The following SLC2A8 variants were observed in gnomAD, a reference collection of about 807,000 sequenced individuals.
SLC2A8 encodes the protein solute carrier family 2, facilitated glucose transporter member 8.
In SLC2A8, 53 loss-of-function variants were observed where a neutral mutation model predicts 49.2. The observed-to-expected ratio is 1.08, with a 90% CI of 0.86 to 1.35. The LOEUF is 1.35. Ranked by LOEUF, SLC2A8 falls within the 40% of genes most tolerant of loss-of-function variation. The pLI is 0.00. For synonymous variants in SLC2A8, 299 were observed against 297.0 expected, an observed-to-expected ratio of 1.01 and a Z score of -0.07; for missense variants, 688 against 671.7, an observed-to-expected ratio of 1.02 and a Z score of -0.27.
Position 127,403,929 on chromosome 9 carries a change from C to A in SLC2A8, c.868-30C>A, listed in dbSNP as rs771394035. ...AGGGACCCAGCTCTCAGCTGGCCCA[C>A]CTGACCTGCCTGGGCTCTGTCTCCC... On this transcript the variant is annotated intron_variant, in intron 6 of 9. Coordinates refer to ENST00000373371, the MANE Select transcript of SLC2A8 (RefSeq NM_014580.5). 7.5e-6 allele frequency: 12 copies of A among 1,606,472 alleles called. No homozygotes were observed. In the South Asian group the frequency reaches 1.3e-4, roughly 18 times the overall value.
At chr9:127,397,653 G>T in intron 2 of SLC2A8, 115 bp downstream of exon 2, 1 of 1,298,762 alleles carries the variant, frequency 7.7e-7, no homozygotes, top group Non-Finnish European at 9.9e-7. Flanking sequence ...GGGCCCCGCC[G>T]CCACCACCTT....
chr9:127,398,388 C>G (rs1833132696), intron 3 of SLC2A8: 3 of 753,132 alleles, frequency 4.0e-6, no homozygotes, highest in Non-Finnish European at 5.0e-6. Context: ...GAAGCAGTTG[C>G]AGGAACCCAG....
At position 127,399,925 on chromosome 9, in the gene SLC2A8, G is replaced by A. The variant is rs368974068; in HGVS notation, c.445G>A (p.Ala149Thr). 409 of 1,613,608 alleles carry A rather than the reference G, an allele frequency of 2.5e-4. 3 individuals carry two copies. The South Asian group carries it at 2.6e-3, about 10-fold the overall frequency. The change falls in exon 4 of 10, where the codon GCC (alanine) becomes ACC (threonine). Residue 149 changes from alanine (A) to threonine (T), a missense_variant. Physicochemically the swap from Ala to Thr is moderately conservative, Grantham distance 58 (BLOSUM62 0). Coordinates refer to ENST00000373371, the MANE Select transcript of SLC2A8 (RefSeq NM_014580.5). This position sits in a 1 kb window ranked among gnomAD's most constrained non-coding sequence, Gnocchi z 4.2. ...LVAPVYISEI[A>T]YPAVRGLLGS... ...CTGGCAGGTCTACATCTCCGAAATC[G>A]CCTACCCAGCAGTCCGGGGGTTGCT...
chr9:127,404,850 GGC>G lies in SLC2A8; in HGVS notation c.1012_1013del (p.Ala338LeufsTer27). Reference protein sequence around the residue: ...VVMVFSTSAFGAYFKLTQGGP... With the variant: ...VVMVFSTSAFXAYFKLTQGGP... The stretch of plus-strand genomic sequence containing the variant: ...CATGGTGTTCAGCACGAGTGCCTTC[GGC>G]GCCTACTTCAAGCTGACCCAGGGTG... On this transcript the variant is annotated frameshift_variant, in exon 8 of 10. Coordinates refer to ENST00000373371, the MANE Select transcript of SLC2A8 (RefSeq NM_014580.5). LOFTEE classifies it high-confidence loss of function. 1 of 1,612,536 alleles carries G rather than the reference GGC, an allele frequency of 6.2e-7. No homozygotes were observed. Among genetic ancestry groups the G allele is most frequent in the Non-Finnish European group, 8.5e-7 (1 of 1,179,688 alleles).
At chr9:127,404,609 G>A (rs1389378763) in intron 7 of SLC2A8, 4 of 573,008 alleles carry the variant, frequency 7.0e-6, no homozygotes, top group Non-Finnish European at 1.2e-5. Flanking sequence ...CGGCCCAGAG[G>A]GTCTGCTCCG....
Position 127,398,015 on chromosome 9 carries a change from CT to C in SLC2A8, c.333del (p.Phe111LeufsTer29). ...LLCSVPFVAG[F>X]AVITAAQDVW... is the part of the protein sequence containing the mutation. ...TGTGCTCCGTGCCCTTCGTGGCCGG[CT>C]TTGCCGTCATCACCGCGGCCCAGGA... On this transcript the variant is annotated frameshift_variant, in exon 3 of 10. Transcript: ENST00000373371. LOFTEE classifies it high-confidence loss of function. 6.4e-7 allele frequency: 1 copy of C among 1,572,794 alleles called. No individual in the cohort carries two copies. The highest frequency in any genetic ancestry group is 8.6e-7 in the Non-Finnish European group (1 of 1,166,496).
Position 127,400,166 on chromosome 9 carries a change from C to CTTTTTTTTTTTTTTTTTTTTTTTTTTTT in SLC2A8, c.526+177_526+178insTTTTTTTTTTTTTTTTTTTTTTTTTTTT, listed in dbSNP as rs796202714. On this transcript the variant is annotated intron_variant, in intron 4 of 9. Transcript: ENST00000373371. ...TCCTGGGACCTTGGGATAGGTGAGT[C>CTTTTTTTTTTTTTTTTTTTTTTTTTTTT]TTTTTTTTTTTTTTTTTGAGACAGA... 2.6e-5 allele frequency among the ~76,000 whole-genome samples: 3 copies of CTTTTTTTTTTTTTTTTTTTTTTTTTTTT among 116,834 alleles called. 1 individual carries two copies. Among genetic ancestry groups the CTTTTTTTTTTTTTTTTTTTTTTTTTTTT allele is most frequent in the African/African-American group, 1.0e-4 (3 of 29,456 alleles). 76.6% of individuals were successfully genotyped at this position (116,834 alleles called of 152,430 possible). A position where few individuals can be genotyped will look rare whatever the true frequency, so the allele number is the denominator to read the frequency against.
At chr9:127,403,280 C>T (rs1344515800) in intron 5 of SLC2A8, 9 of 256,338 alleles carry the variant, frequency 3.5e-5, no homozygotes, top group African/African-American at 1.1e-4. Context: ...GTGGGGTCAG[C>T]GAGGAGGATG....
rs1833116031 is a variant in SLC2A8 at position 127,398,111 on chromosome 9, G to A, written c.426G>A (p.Pro142=). The A allele has an allele frequency of 3.8e-6, 6 of 1,573,990 alleles. No individual in the cohort carries two copies. In the East Asian group the frequency reaches 6.9e-5, roughly 18 times the overall value. ...LACGVASLVA[P]VYISEIAYPA... is the part of the protein sequence containing the mutation. ...GCGGTGTTGCCTCCCTAGTGGCCCC[G>A]GTGAGTGTCCCGTCTCTCGAGTGTC... The change falls in exon 3 of 10, where the codon CCG becomes CCA. Residue 142 remains proline, a splice_region_variant and synonymous_variant. Coordinates refer to ENST00000373371, the MANE Select transcript of SLC2A8 (RefSeq NM_014580.5).
chr9:127,397,354 AC>A (rs1833062352), intron 1 of SLC2A8, 21 bp from the exon 2 acceptor site: 4 of 1,413,340 alleles, frequency 2.8e-6, no homozygotes, highest in Admixed American at 3.4e-5. Flanking sequence ...CGCTCCGCTC[AC>A]CCTCGGCCCT....
At chr9:127,402,528 C>T (rs964236289) in intron 4 of SLC2A8, 29 bp from the exon 5 acceptor site, 28 of 1,488,936 alleles carry the variant, frequency 1.9e-5, no homozygotes, top group East Asian at 2.5e-5. Flanking sequence ...CTGGCTCTGA[C>T]GCCAGCCTCC....
chr9:127,402,839 G>T (rs574990044), intron 5 of SLC2A8, 86 bp downstream of exon 5: 2 of 1,413,734 alleles, frequency 1.4e-6, no homozygotes, highest in East Asian at 2.6e-5. Flanking sequence ...CACACACTTG[G>T]GGGGTGGGGG....
chr9:127,398,077 G>A lies in SLC2A8; in HGVS notation c.392G>A (p.Gly131Asp). The A allele has an allele frequency of 6.3e-7, 1 of 1,587,052 alleles. No individual in the cohort carries two copies. The highest frequency in any genetic ancestry group is 8.5e-7 in the Non-Finnish European group (1 of 1,172,154). Residue 131 changes from glycine to aspartate, a missense_variant, in exon 3 of 10, where the codon GGC becomes GAC. Coordinates refer to ENST00000373371, the MANE Select transcript of SLC2A8 (RefSeq NM_014580.5). ...CTGCTGGGGGGCCGCCTCCTCACCG[G>A]CCTGGCCTGCGGTGTTGCCTCCCTA... ...WMLLGGRLLT[G>D]LACGVASLVA...
In SLC2A8 at chr9:127,403,953, C is replaced by T. The variant is rs1231298479; in HGVS notation, c.868-6C>T. 1 of 1,610,868 alleles carries T rather than the reference C, an allele frequency of 6.2e-7. No homozygotes were observed. Among genetic ancestry groups the T allele is most frequent in the South Asian group, 1.1e-5 (1 of 91,018 alleles). Reference sequence around the variant, plus strand: ...ACCTGACCTGCCTGGGCTCTGTCTCCCCCAGGACAGCAGCCTGGCCTCGGT... The same window carrying T: ...ACCTGACCTGCCTGGGCTCTGTCTCTCCCAGGACAGCAGCCTGGCCTCGGT... On this transcript the variant is annotated splice_region_variant and splice_polypyrimidine_tract_variant and intron_variant, in intron 6 of 9. Coordinates refer to ENST00000373371, the MANE Select transcript of SLC2A8 (RefSeq NM_014580.5).
chr9:127,402,553 G>C lies in SLC2A8; in HGVS notation c.527-4G>C. The C allele has an allele frequency of 6.5e-7, 1 of 1,528,078 alleles. No homozygotes were observed. Among genetic ancestry groups the C allele is most frequent in the Admixed American group, 2.0e-5 (1 of 49,942 alleles). The allele number at this position is 1,528,078 out of a possible 1,614,324, so 94.7% of individuals were successfully genotyped here. A position where few individuals can be genotyped will look rare whatever the true frequency, so the allele number is the denominator to read the frequency against. On this transcript the variant is annotated splice_region_variant and splice_polypyrimidine_tract_variant and intron_variant, in intron 4 of 9. Transcript: ENST00000373371. ...CGCCAGCCTCCTCCACCCACCCCCC[G>C]CAGGCTGGGTGCTGGAGTGGCGCTG... is the stretch of plus-strand genomic sequence containing the variant.
Position 127,397,466 on chromosome 9 carries a change from G to A in SLC2A8, c.147G>A (p.Pro49=), listed in dbSNP as rs998850255. 2.0e-6 allele frequency: 3 copies of A among 1,486,444 alleles called. No individual in the cohort carries two copies. The highest frequency in any genetic ancestry group is 2.9e-5 in the African/African-American group (2 of 68,360). 92.1% of individuals were successfully genotyped at this position (1,486,444 alleles called of 1,614,324 possible). ...GCTTCGCGCTCGGCTACAGCTCCCC[G>A]GCCATCCCTAGCCTGCAGCGCGCCG... ...SFGFALGYSS[P]AIPSLQRAAP... is the part of the protein sequence containing the mutation. Residue 49 remains proline (P), a synonymous_variant, in exon 2 of 10, where the codon CCG becomes CCA. Transcript: ENST00000373371.
chr9:127,405,149 C>G (rs904560763), intron 8 of SLC2A8, among the ~76,000 whole-genome samples, 158 bp downstream of exon 8: 1 of 152,234 alleles, frequency 6.6e-6, no homozygotes. Flanking sequence ...AGCTGTGGAA[C>G]TAGGCCCCTC....
rs1317689044 is a variant in SLC2A8 at position 127,405,450 on chromosome 9, G to T, written c.1181G>T (p.Trp394Leu). The T allele has an allele frequency of 1.9e-6, 3 of 1,612,782 alleles. No individual in the cohort carries two copies. In the African/African-American group the frequency reaches 4.0e-5, roughly 22 times the overall value. Residue 394 changes from tryptophan to leucine, a missense_variant, in exon 9 of 10, where the codon TGG becomes TTG. By Grantham distance (61) the Trp-to-Leu change is moderately conservative (BLOSUM62 -2). Transcript: ENST00000373371. ...GCGGTGGGCTGGGGGCCCATCCCCT[G>T]GCTCCTCATGTCAGAGATCTTCCCT... ...GFAVGWGPIP[W>L]LLMSEIFPLH...
chr9:127,407,505 G>A lies in SLC2A8; in HGVS notation c.*256G>A, dbSNP rs549500930. ...CAGACCTGCGGTCAGCCCTCCATGCGCAAGACTAAAGCAGCGGAAGAGGAG... is the reference window on the plus strand; with the variant it reads ...CAGACCTGCGGTCAGCCCTCCATGCACAAGACTAAAGCAGCGGAAGAGGAG... On this transcript the variant is annotated 3_prime_UTR_variant, in exon 10 of 10. Coordinates refer to ENST00000373371, the MANE Select transcript of SLC2A8 (RefSeq NM_014580.5). The A allele has an allele frequency of 8.2e-5, 51 of 621,802 alleles. 2 individuals are homozygous for A. The highest frequency in any genetic ancestry group is 4.3e-4 in the South Asian group (28 of 65,776). 38.5% of individuals were successfully genotyped at this position (621,802 alleles called of 1,614,324 possible).
Sources: allele counts gnomAD v4.1 joint callset (sites outside exome capture counted in the v4.1 genomes callset), GRCh38; gene constraint gnomAD v4.1.1; non-coding constraint Gnocchi (gnomAD v3.1); transcripts MANE v1.5; gene names NCBI Gene and HGNC (gene_info 2026-07-23, HGNC 2026-07-21).